MTUS2: variants seen among roughly 807,000 people sequenced by gnomAD.
MTUS2 encodes the protein microtubule-associated tumor suppressor candidate 2.
MTUS2 carries 40 observed loss-of-function variants against 114.1 expected under a neutral mutation model. The ratio of observed to expected loss-of-function variants is 0.35; its 90% CI spans 0.27 to 0.46. The LOEUF is 0.46. MTUS2 is among the 20% of genes least tolerant of loss of function. The probability of loss-of-function intolerance (pLI) is 1.00; values close to 1 mark genes in which losing one functional copy is unlikely to be tolerated. For missense variants in MTUS2, 1,679 were observed against 1,705.4 expected (o/e 0.98, Z 0.27); for synonymous variants, 688 against 672.0 (o/e 1.02, Z -0.37).
intron 5 of MTUS2, among the ~76,000 whole-genome samples, chr13:29,199,815 C>T (rs531016451): frequency 2.8e-4 from 43 of 152,062 alleles, no homozygotes; most frequent in African/African-American, 9.6e-4. Context: ...GTGAATCCAT[C>T]CTGTCCTGGG....
intron 5 of MTUS2, among the ~76,000 whole-genome samples, chr13:29,190,567 C>T (rs1894405616): frequency 6.6e-6 from 1 of 152,134 alleles, no homozygotes; most frequent in South Asian, 2.1e-4. Flanking sequence ...GGCAGTGATG[C>T]CCAGGGAAGC....
intron 2 of MTUS2, among the ~76,000 whole-genome samples, chr13:28,947,957 GTAAT>G (rs1468827537): frequency 6.6e-6 from 1 of 152,170 alleles, no homozygotes; most frequent in Non-Finnish European, 1.5e-5. Context: ...GCTTGAGACT[GTAAT>G]TGGTTTTAAG....
chr13:29,220,013 G>T (rs867332515), intron 5 of MTUS2, among the ~76,000 whole-genome samples: 2,195 of 118,528 alleles, frequency 0.019, 45 homozygotes, highest in African/African-American at 0.065. Context: ...TTTTTTTTTT[G>T]AGACAGAGTT....
intron 2 of MTUS2, among the ~76,000 whole-genome samples, chr13:28,844,626 A>T (rs1049504640): frequency 1.6e-4 from 14 of 87,544 alleles, no homozygotes; most frequent in South Asian, 3.5e-4. Flanking sequence ...TGTGTGTGTG[A>T]GAGAGAGAGA....
At chr13:29,128,372 C>T (rs1053981610) in intron 5 of MTUS2, among the ~76,000 whole-genome samples, 4 of 152,020 alleles carry the variant, frequency 2.6e-5, no homozygotes, top group Admixed American at 6.6e-5. Context: ...GAGAGGAAAC[C>T]GGTTAGGAAT....
chr13:29,224,147 C>T (rs1451364114), intron 5 of MTUS2, among the ~76,000 whole-genome samples: 1 of 152,152 alleles, frequency 6.6e-6, no homozygotes, highest in East Asian at 1.9e-4. Flanking sequence ...GCCCAGTGGA[C>T]CCAAGCAAAA....
At chr13:29,005,390 G>A (rs991792526) in intron 2 of MTUS2, among the ~76,000 whole-genome samples, 1 of 152,100 alleles carries the variant, frequency 6.6e-6, no homozygotes, top group African/African-American at 2.4e-5. Flanking sequence ...AATTGTAAAT[G>A]GTGATTTATC....
chr13:29,052,765 G>C (rs777576134), intron 4 of MTUS2, among the ~76,000 whole-genome samples: 9 of 152,194 alleles, frequency 5.9e-5, no homozygotes, highest in Non-Finnish European at 1.2e-4. Flanking sequence ...TAAGTATAAT[G>C]ATGATTGATA....
At chr13:29,095,119 GA>G (rs1386173083) in intron 4 of MTUS2, among the ~76,000 whole-genome samples, 1 of 152,026 alleles carries the variant, frequency 6.6e-6, no homozygotes, top group Non-Finnish European at 1.5e-5. Context: ...GTGCACTTGA[GA>G]AAAATATGTA....
At chr13:28,876,250 G>A (rs192160638) in intron 2 of MTUS2, among the ~76,000 whole-genome samples, 1 of 152,304 alleles carries the variant, frequency 6.6e-6, no homozygotes, top group Admixed American at 6.5e-5. Flanking sequence ...TGGGGTCTGT[G>A]TTCCTCCCTA....
chr13:28,852,538 T>C (rs1053770680), intron 2 of MTUS2, among the ~76,000 whole-genome samples: 1 of 152,108 alleles, frequency 6.6e-6, no homozygotes, highest in African/African-American at 2.4e-5. Context: ...TATATTTGTT[T>C]CTGAGCAACA....
At chr13:29,038,579 A>G (rs999531047) in intron 4 of MTUS2, among the ~76,000 whole-genome samples, 3 of 152,180 alleles carry the variant, frequency 2.0e-5, no homozygotes, top group African/African-American at 7.2e-5. Flanking sequence ...GTGCTGGGAG[A>G]TCCACTGCTC....
intron 2 of MTUS2, among the ~76,000 whole-genome samples, chr13:28,962,068 G>T (rs1292415179): frequency 2.6e-5 from 4 of 151,014 alleles, no homozygotes; most frequent in Non-Finnish European, 4.4e-5. Flanking sequence ...CATATAAAGA[G>T]ATTTTAAAAT....
chr13:29,305,970 G>C (rs1899431758), intron 6 of MTUS2, among the ~76,000 whole-genome samples: 1 of 152,136 alleles, frequency 6.6e-6, no homozygotes, highest in African/African-American at 2.4e-5. Flanking sequence ...CAGGATGCAA[G>C]GTTGGTTCAA....
At chr13:29,337,605 ATTT>A (rs200669729) in intron 7 of MTUS2, among the ~76,000 whole-genome samples, 14 of 144,946 alleles carry the variant, frequency 9.7e-5, no homozygotes, top group Admixed American at 2.1e-4. Flanking sequence ...TTATTTTTCT[ATTT>A]TTTTTTTTTT....
intron 2 of MTUS2, among the ~76,000 whole-genome samples, chr13:28,922,315 C>A (rs1307899318): frequency 6.6e-6 from 1 of 152,196 alleles, no homozygotes; most frequent in Non-Finnish European, 1.5e-5. Context: ...TATTTCTTTA[C>A]AGCAGTTTAA....
intron 5 of MTUS2, among the ~76,000 whole-genome samples, chr13:29,198,075 A>T (rs1593589962): frequency 6.6e-6 from 1 of 152,336 alleles, no homozygotes; most frequent in East Asian, 1.9e-4. Flanking sequence ...TAGTTTAATT[A>T]GATCCCATCT....
At chr13:28,937,929 G>A (rs191934136) in intron 2 of MTUS2, among the ~76,000 whole-genome samples, 2 of 152,254 alleles carry the variant, frequency 1.3e-5, no homozygotes, top group African/African-American at 4.8e-5. Flanking sequence ...TAAAAGAAGA[G>A]CAACTTATGG....
At chr13:28,831,344 G>A (rs1251931901) in intron 1 of MTUS2, among the ~76,000 whole-genome samples, 1 of 152,064 alleles carries the variant, frequency 6.6e-6, no homozygotes, top group Non-Finnish European at 1.5e-5. Flanking sequence ...AAAGGCATAG[G>A]TTGGCAGAAT....
Sources: allele counts gnomAD v4.1 joint callset (sites outside exome capture counted in the v4.1 genomes callset), GRCh38; gene constraint gnomAD v4.1.1; transcripts MANE v1.5; gene names NCBI Gene and HGNC (gene_info 2026-07-23, HGNC 2026-07-21).